Variants in SLC14A2 observed in about 807,000 individuals in gnomAD.
SLC14A2 encodes solute carrier family 14 member 2, also known as urea transporter 2.
SLC14A2 carries 91 observed loss-of-function variants against 104.6 expected under a neutral mutation model. That is an observed-to-expected ratio of 0.87 (90% confidence interval 0.73 to 1.04). The LOEUF (loss-of-function observed/expected upper bound fraction) is 1.04, where lower values mean the gene tolerates loss of function less well. Among genes scored for constraint, SLC14A2 ranks in the 50% least tolerant of loss-of-function variants. SLC14A2 has a pLI of 0.00. For missense variants in SLC14A2, 1,189 were observed against 1,156.0 expected (o/e 1.03, Z -0.41); for synonymous variants, 476 against 466.4 (o/e 1.02, Z -0.27).
intron 1 of SLC14A2, among the ~76,000 whole-genome samples, chr18:45,481,978 C>T (rs992991432): frequency 2.0e-5 from 3 of 151,980 alleles, no homozygotes; most frequent in Non-Finnish European, 2.9e-5. Context: ...GCTTTGGTTT[C>T]GGTTTCTAAC....
At chr18:45,658,901 T>C (rs536250217) in intron 10 of SLC14A2, among the ~76,000 whole-genome samples, 1 of 152,292 alleles carries the variant, frequency 6.6e-6, no homozygotes, top group South Asian at 2.1e-4. Context: ...CTCATAACTG[T>C]TCTTTCCTTC....
intron 1 of SLC14A2, among the ~76,000 whole-genome samples, chr18:45,229,899 C>T (rs1475006628): frequency 1.3e-5 from 2 of 152,002 alleles, no homozygotes; most frequent in Non-Finnish European, 2.9e-5. Flanking sequence ...TGCTTGGATT[C>T]AAATCCTGGA....
intron 1 of SLC14A2, among the ~76,000 whole-genome samples, chr18:45,373,195 A>G (rs1211492541): frequency 6.6e-6 from 1 of 152,248 alleles, no homozygotes; most frequent in East Asian, 1.9e-4. Flanking sequence ...ACAGAGTGAT[A>G]GTTCCTTATA....
chr18:45,322,430 C>G (rs952976078), intron 1 of SLC14A2, among the ~76,000 whole-genome samples: 6 of 152,168 alleles, frequency 3.9e-5, no homozygotes, highest in African/African-American at 1.4e-4. Context: ...TGACAATTGG[C>G]TAATGACATC....
chr18:45,347,514 A>G (rs1568161753), intron 1 of SLC14A2, among the ~76,000 whole-genome samples: 1 of 152,178 alleles, frequency 6.6e-6, no homozygotes, highest in Non-Finnish European at 1.5e-5. Flanking sequence ...TCCTTCCTCT[A>G]TAAATCTGCA....
At chr18:45,548,651 C>T (rs1295608787) in intron 2 of SLC14A2, among the ~76,000 whole-genome samples, 1 of 152,218 alleles carries the variant, frequency 6.6e-6, no homozygotes, top group Non-Finnish European at 1.5e-5. Context: ...CTGCAGTGAT[C>T]TATCATCATG....
intron 1 of SLC14A2, among the ~76,000 whole-genome samples, chr18:45,241,971 C>T (rs1053469543): frequency 2.0e-5 from 3 of 152,056 alleles, no homozygotes; most frequent in Non-Finnish European, 4.4e-5. Context: ...ACAATCTTCC[C>T]CCATCAGCAC....
chr18:45,496,371 T>C (rs2043097781), intron 2 of SLC14A2, among the ~76,000 whole-genome samples: 2 of 152,180 alleles, frequency 1.3e-5, no homozygotes, highest in African/African-American at 4.8e-5. Flanking sequence ...CCAGAGGAGA[T>C]TGACATTTGA....
At chr18:45,217,494 T>G (rs936936239) in intron 1 of SLC14A2, among the ~76,000 whole-genome samples, 8 of 152,046 alleles carry the variant, frequency 5.3e-5, no homozygotes, top group Admixed American at 1.3e-4. Context: ...GGTCTTGATC[T>G]GGGCCTAAAA....
chr18:45,660,805 C>A (rs759310548), intron 10 of SLC14A2, among the ~76,000 whole-genome samples: 1 of 152,172 alleles, frequency 6.6e-6, no homozygotes, highest in Non-Finnish European at 1.5e-5. Flanking sequence ...TCTTTATCCA[C>A]GATGAAAGTC....
chr18:45,236,889 C>A (rs986147572), intron 1 of SLC14A2, among the ~76,000 whole-genome samples: 1 of 152,050 alleles, frequency 6.6e-6, no homozygotes, highest in African/African-American at 2.4e-5. Flanking sequence ...CAGAGTCAAC[C>A]AATGTCTGTT....
At chr18:45,516,415 C>T (rs572345884) in intron 2 of SLC14A2, among the ~76,000 whole-genome samples, 9 of 152,114 alleles carry the variant, frequency 5.9e-5, no homozygotes, top group Non-Finnish European at 2.9e-5. Context: ...ATTTCTCTGG[C>T]CTTCAGCTTT....
exon 2 of SLC14A2, chr18:45,483,312 C>G (rs117040409): frequency 6.6e-6 from 1 of 152,256 alleles, no homozygotes; most frequent in Non-Finnish European, 1.5e-5. Flanking sequence ...AACACTGTGA[C>G]CAAGGAAACT....
chr18:45,503,090 A>G (rs1205639204), intron 2 of SLC14A2, among the ~76,000 whole-genome samples: 1 of 152,176 alleles, frequency 6.6e-6, no homozygotes, highest in Non-Finnish European at 1.5e-5. Flanking sequence ...AATTCTAAGA[A>G]GGAAATAAAG....
At chr18:45,502,601 C>T (rs2043215333) in intron 2 of SLC14A2, among the ~76,000 whole-genome samples, 1 of 152,146 alleles carries the variant, frequency 6.6e-6, no homozygotes, top group Non-Finnish European at 1.5e-5. Context: ...CTGAAAAGTA[C>T]CCTAATTCAT....
chr18:45,300,929 T>G (rs1427215438), intron 1 of SLC14A2, among the ~76,000 whole-genome samples: 1 of 152,190 alleles, frequency 6.6e-6, no homozygotes, highest in Non-Finnish European at 1.5e-5. Flanking sequence ...GATGTGTGCA[T>G]GAATATCTCT....
chr18:45,619,861 G>A (rs562888352), intron 1 of SLC14A2, among the ~76,000 whole-genome samples: 1 of 152,348 alleles, frequency 6.6e-6, no homozygotes, highest in East Asian at 1.9e-4. Context: ...AGAGGGAAAA[G>A]TAAGATCACT....
chr18:45,266,186 T>C (rs1270725386), intron 1 of SLC14A2, among the ~76,000 whole-genome samples: 1 of 152,154 alleles, frequency 6.6e-6, no homozygotes, highest in Non-Finnish European at 1.5e-5. Flanking sequence ...AGGAGTGTGC[T>C]AGAACTGCAC....
chr18:45,222,962 C>T (rs2084077746), intron 1 of SLC14A2, among the ~76,000 whole-genome samples: 1 of 152,150 alleles, frequency 6.6e-6, no homozygotes, highest in Admixed American at 6.5e-5. Context: ...GGGCCTCAGG[C>T]ACCCCATCAA....
Sources: gnomAD v4.1 joint callset for allele counts (sites outside exome capture counted in the v4.1 genomes callset) on GRCh38, gnomAD v4.1.1 for gene constraint, MANE v1.5 for transcripts, NCBI Gene and HGNC (gene_info 2026-07-23, HGNC 2026-07-21) for gene names.